Variants in UNC13C observed in about 807,000 individuals in gnomAD.
The protein encoded by UNC13C is protein unc-13 homolog C.
In UNC13C, 174 loss-of-function variants were observed where a neutral mutation model predicts 245.4. That is an observed-to-expected ratio of 0.71 (90% CI 0.63 to 0.80). The LOEUF is 0.80. Among genes scored for constraint, UNC13C ranks in the 30% least tolerant of loss-of-function variants. The pLI, the probability that UNC13C is intolerant of heterozygous loss-of-function variation, is 0.00. For synonymous variants in UNC13C, 992 were observed against 895.1 expected, an observed-to-expected ratio of 1.11 and a Z score of -1.93; for missense variants, 2,829 against 2,602.9, an observed-to-expected ratio of 1.09 and a Z score of -1.89.
At chr15:54,373,281 G>T (rs2039532505) in intron 17 of UNC13C, among the ~76,000 whole-genome samples, 1 of 152,188 alleles carries the variant, frequency 6.6e-6, no homozygotes, top group South Asian at 2.1e-4. Flanking sequence ...TCATTAGCCA[G>T]AAAACTTTGT....
At chr15:54,559,035 C>T (rs570921083) in intron 29 of UNC13C, among the ~76,000 whole-genome samples, 11 of 152,018 alleles carry the variant, frequency 7.2e-5, no homozygotes, top group South Asian at 2.1e-4. Flanking sequence ...CCCCCAGAAC[C>T]CCTGTTATAT....
intron 1 of UNC13C, among the ~76,000 whole-genome samples, chr15:53,995,563 G>T (rs886663970): frequency 7.0e-6 from 1 of 143,842 alleles, no homozygotes; most frequent in Non-Finnish European, 1.5e-5. Flanking sequence ...TTGTTGAAAT[G>T]CCTACAAAGG....
intron 19 of UNC13C, among the ~76,000 whole-genome samples, chr15:54,445,465 T>A (rs1377027621): frequency 6.6e-6 from 1 of 152,178 alleles, no homozygotes; most frequent in South Asian, 2.1e-4. Context: ...CAGCACCTGT[T>A]GTTTCCTGAC....
At chr15:54,367,959 C>G (rs1309316138) in intron 17 of UNC13C, among the ~76,000 whole-genome samples, 2 of 152,028 alleles carry the variant, frequency 1.3e-5, no homozygotes, top group Non-Finnish European at 2.9e-5. Flanking sequence ...AAACATAACT[C>G]TGGAACTCAG....
intron 30 of UNC13C, among the ~76,000 whole-genome samples, chr15:54,584,222 A>G (rs1482986040): frequency 6.6e-6 from 1 of 152,136 alleles, no homozygotes; most frequent in Non-Finnish European, 1.5e-5. Flanking sequence ...TCGCAACAGA[A>G]AGTTTGGTTG....
intron 10 of UNC13C, among the ~76,000 whole-genome samples, chr15:54,278,987 A>G (rs1190013510): frequency 6.6e-6 from 1 of 152,146 alleles, no homozygotes; most frequent in Non-Finnish European, 1.5e-5. Flanking sequence ...GGAAATATTA[A>G]ATACATTCAA....
intron 2 of UNC13C, among the ~76,000 whole-genome samples, chr15:54,098,684 A>G (rs1429503712): frequency 6.6e-6 from 1 of 152,224 alleles, no homozygotes; most frequent in Non-Finnish European, 1.5e-5. Context: ...TTTCTAAGTT[A>G]TAATACAGCT....
At chr15:54,486,198 T>G (rs1893394785) in intron 19 of UNC13C, among the ~76,000 whole-genome samples, 1 of 149,836 alleles carries the variant, frequency 6.7e-6, no homozygotes, top group African/African-American at 2.5e-5. Context: ...TCACTTGAGG[T>G]TAGGAGTTTG....
the UNC13C span, among the ~76,000 whole-genome samples, chr15:53,856,168 A>C: frequency 6.6e-6 from 1 of 151,670 alleles, no homozygotes; most frequent in African/African-American, 2.4e-5. Flanking sequence ...TGTTTATTTT[A>C]TTCTTCTCTT....
chr15:54,484,082 G>GAA (rs34344522), intron 19 of UNC13C, among the ~76,000 whole-genome samples: 86 of 150,086 alleles, frequency 5.7e-4, no homozygotes, highest in Admixed American at 6.6e-4. Context: ...TGGCTTCCCT[G>GAA]AAAAAAAAAA....
In UNC13C at chr15:54,500,890, C is replaced by T. The variant is rs1298276560; in HGVS notation, c.5213C>T (p.Ala1738Val). Residue 1738 changes from alanine (A) to valine (V), a missense_variant, in exon 22 of 33, where the codon GCT becomes GTT. Coordinates refer to ENST00000260323, the MANE Select transcript of UNC13C (RefSeq NM_001080534.3). ...TCTTGCTCCGTGGTTGATGTCTTTGCTCAGCTGAATCAGAGCTTTGAAATT... is the reference window on the plus strand; with the variant it reads ...TCTTGCTCCGTGGTTGATGTCTTTGTTCAGCTGAATCAGAGCTTTGAAATT... ...LFSCSVVDVF[A>V]QLNQSFEIIK... is the part of the protein sequence containing the mutation. 2 of 1,613,004 alleles carry T rather than the reference C, an allele frequency of 1.2e-6. No homozygotes were observed. Among genetic ancestry groups the T allele is most frequent in the Non-Finnish European group, 1.7e-6 (2 of 1,179,266 alleles).
chr15:53,996,219 T>C (rs1894626365), intron 1 of UNC13C, among the ~76,000 whole-genome samples: 1 of 152,188 alleles, frequency 6.6e-6, no homozygotes, highest in South Asian at 2.1e-4. Flanking sequence ...AACACGTATC[T>C]TTTTGAATAC....
At chr15:53,923,307 G>C in the UNC13C span, among the ~76,000 whole-genome samples, 1 of 152,182 alleles carries the variant, frequency 6.6e-6, no homozygotes, top group Non-Finnish European at 1.5e-5. Context: ...CCAGACTACT[G>C]CCTGGCATAT....
intron 2 of UNC13C, among the ~76,000 whole-genome samples, chr15:54,059,509 G>A (rs1215956566): frequency 6.6e-6 from 1 of 152,258 alleles, no homozygotes; most frequent in East Asian, 1.9e-4. Context: ...TGGGTAGGAA[G>A]AATCAATATC....
chr15:54,571,669 A>G (rs1449702696), intron 30 of UNC13C, among the ~76,000 whole-genome samples: 1 of 152,256 alleles, frequency 6.6e-6, no homozygotes, highest in East Asian at 1.9e-4. Flanking sequence ...AATATAAAGT[A>G]GTAATAGCTG....
Position 54,300,374 on chromosome 15 carries a change from G to T in UNC13C, c.4268+1G>T. 1 of 1,566,636 alleles carries T rather than the reference G, an allele frequency of 6.4e-7. No homozygotes were observed. Among genetic ancestry groups the T allele is most frequent in the Non-Finnish European group, 8.7e-7 (1 of 1,154,060 alleles). On this transcript the variant is annotated splice_donor_variant, in intron 13 of 32. Transcript: ENST00000260323. LOFTEE classifies it high-confidence loss of function. ...TTGAATCCATTTATCAAGCTATGAC[G>T]TAAGTACTACAGAACATTTACATGG...
the UNC13C span, among the ~76,000 whole-genome samples, chr15:53,910,482 A>G: frequency 6.8e-6 from 1 of 146,958 alleles, no homozygotes; most frequent in African/African-American, 2.4e-5. Flanking sequence ...GACACTGTGC[A>G]CAAGAGACAT....
chr15:54,214,843 A>G (rs1213859935), intron 4 of UNC13C, among the ~76,000 whole-genome samples: 1 of 151,992 alleles, frequency 6.6e-6, no homozygotes, highest in Non-Finnish European at 1.5e-5. Flanking sequence ...ACACGATTTC[A>G]TATTTACTAC....
At chr15:54,304,044 G>C (rs1013972921) in intron 13 of UNC13C, among the ~76,000 whole-genome samples, 3 of 152,088 alleles carry the variant, frequency 2.0e-5, no homozygotes, top group African/African-American at 7.2e-5. Flanking sequence ...TCTAAGAGCA[G>C]GGGTTGGAAT....
Sources: allele counts gnomAD v4.1 joint callset (sites outside exome capture counted in the v4.1 genomes callset), GRCh38; gene constraint gnomAD v4.1.1; transcripts MANE v1.5; gene names NCBI Gene and HGNC (gene_info 2026-07-23, HGNC 2026-07-21).